The following EPHB1 variants were observed in gnomAD, a reference collection of about 807,000 sequenced individuals.
EPHB1 encodes ephrin type-B receptor 1.
Under a neutral mutation model 94.4 loss-of-function variants are expected in EPHB1, and 30 were observed. The ratio of observed to expected loss-of-function variants is 0.32; its 90% confidence interval spans 0.24 to 0.43. The LOEUF (loss-of-function observed/expected upper bound fraction) is 0.43. Ranked by LOEUF, EPHB1 falls within the 20% of genes least tolerant of loss-of-function variation. The pLI is 1.00. For synonymous variants in EPHB1, 522 were observed against 489.1 expected (o/e 1.07, Z -0.89); for missense variants, 1,055 against 1,308.3 (o/e 0.81, Z 2.99).
chr3:135,119,588 G>A (rs1939864664), intron 4 of EPHB1, among the ~76,000 whole-genome samples: 1 of 152,016 alleles, frequency 6.6e-6, no homozygotes, highest in Non-Finnish European at 1.5e-5. Flanking sequence ...GAGTAGCTGG[G>A]CTACAGGTAC....
chr3:134,958,925 T>G (rs1205039990), intron 3 of EPHB1, among the ~76,000 whole-genome samples: 2 of 152,182 alleles, frequency 1.3e-5, no homozygotes, highest in East Asian at 3.9e-4. Context: ...TTTCTGCCTT[T>G]GAGACACAGG....
intron 12 of EPHB1, among the ~76,000 whole-genome samples, chr3:135,233,942 G>A (rs977369574): frequency 6.6e-5 from 10 of 152,158 alleles, no homozygotes; most frequent in African/African-American, 2.4e-4. Flanking sequence ...GCTCCACACA[G>A]TAGGGGGAAC....
intron 3 of EPHB1, among the ~76,000 whole-genome samples, chr3:135,014,920 A>C (rs143218831): frequency 6.0e-4 from 91 of 152,170 alleles, no homozygotes; most frequent in Admixed American, 1.9e-3. Flanking sequence ...CTTTCTTCTT[A>C]TTTAATAGAC....
chr3:134,810,198 A>G (rs989670344), intron 1 of EPHB1, among the ~76,000 whole-genome samples: 13 of 152,126 alleles, frequency 8.5e-5, no homozygotes, highest in East Asian at 1.9e-4. Flanking sequence ...GCAAATATGT[A>G]TATCACCTGG....
At chr3:135,160,615 G>A (rs553893816) in intron 6 of EPHB1, among the ~76,000 whole-genome samples, 1 of 152,300 alleles carries the variant, frequency 6.6e-6, no homozygotes, top group East Asian at 1.9e-4. Flanking sequence ...GACAAAGACA[G>A]GCCCAGGCTT....
At chr3:134,988,358 T>C (rs1934674161) in intron 3 of EPHB1, among the ~76,000 whole-genome samples, 1 of 152,250 alleles carries the variant, frequency 6.6e-6, no homozygotes, top group Non-Finnish European at 1.5e-5. Context: ...AGTATTGTCA[T>C]TGGCATTCCT....
chr3:134,858,677 G>A (rs73229161), intron 1 of EPHB1, among the ~76,000 whole-genome samples: 13 of 152,300 alleles, frequency 8.5e-5, no homozygotes, highest in Non-Finnish European at 1.5e-4. Context: ...ATAACACTAC[G>A]GAATGATAGA....
At chr3:135,119,803 TC>T (rs1283375805) in intron 4 of EPHB1, among the ~76,000 whole-genome samples, 25 of 152,328 alleles carry the variant, frequency 1.6e-4, no homozygotes, top group African/African-American at 5.8e-4. Context: ...AGTTCCTTCT[TC>T]CATCTGGAAC....
At chr3:135,075,935 G>A (rs1937895529) in intron 3 of EPHB1, among the ~76,000 whole-genome samples, 1 of 152,172 alleles carries the variant, frequency 6.6e-6, no homozygotes, top group Non-Finnish European at 1.5e-5. Flanking sequence ...TAGATGGTCA[G>A]TCACATCAGT....
rs188968832 is a variant in EPHB1 at position 135,080,512 on chromosome 3, A to G, written c.806-25936A>G. Among the ~76,000 whole-genome samples the G allele has an allele frequency of 3.3e-5, 5 of 152,220 alleles. No individual in the cohort carries two copies. In the East Asian group the frequency reaches 9.7e-4, roughly 29 times the overall value. ...CTGGGGACACTTGGGGGTGGGGCAA[A>G]GGTAGCATCGTCAGAGGTCCAAGAT... is the stretch of plus-strand genomic sequence containing the variant. On this transcript the variant is annotated intron_variant, in intron 3 of 15. Coordinates refer to ENST00000398015, the MANE Select transcript of EPHB1 (RefSeq NM_004441.5).
rs774713350 is a variant in EPHB1 at position 135,179,860 on chromosome 3, G to A, written c.1760G>A (p.Gly587Asp). Residue 587 changes from glycine to aspartate, a missense_variant and splice_region_variant, in exon 10 of 16, where the codon GGC becomes GAC. Gly to Asp is a moderately conservative substitution (Grantham distance 94, BLOSUM62 -1). Coordinates refer to ENST00000398015, the MANE Select transcript of EPHB1 (RefSeq NM_004441.5). ...DKLQHYSTGRGSPGMKIYIDP... is the reference protein window; with the variant it reads ...DKLQHYSTGRDSPGMKIYIDP... ...AACCCTGCTTATCTCCTCCAACAAG[G>A]CTCCCCAGGGATGAAGATCTACATT... The A allele has an allele frequency of 1.2e-6, 2 of 1,613,634 alleles. No homozygotes were observed. The highest frequency in any genetic ancestry group is 4.5e-5 in the East Asian group (2 of 44,876).
At chr3:134,820,028 G>A (rs1456361806) in intron 1 of EPHB1, among the ~76,000 whole-genome samples, 2 of 152,136 alleles carry the variant, frequency 1.3e-5, no homozygotes, top group Non-Finnish European at 1.5e-5. Context: ...GGTGAGGCCC[G>A]TGGTGGGGTT....
At chr3:135,184,583 C>A (rs1029762895) in intron 10 of EPHB1, among the ~76,000 whole-genome samples, 1 of 152,014 alleles carries the variant, frequency 6.6e-6, no homozygotes, top group African/African-American at 2.4e-5. Flanking sequence ...TTGTATATGG[C>A]GAATGAAAGT....
intron 1 of EPHB1, among the ~76,000 whole-genome samples, chr3:134,869,743 GCA>G (rs1375209588): frequency 2.3e-4 from 17 of 75,034 alleles, no homozygotes; most frequent in African/African-American, 1.5e-3. Context: ...AAAAGTGATA[GCA>G]GTTTTTTTTT....
intron 12 of EPHB1, among the ~76,000 whole-genome samples, chr3:135,220,803 C>T (rs1014118969): frequency 1.3e-5 from 2 of 152,066 alleles, no homozygotes; most frequent in Non-Finnish European, 2.9e-5. Context: ...CCCACTTGTG[C>T]CTGAGGCTGA....
chr3:134,955,105 A>ATTTTTTTTTTTTTT lies in EPHB1; in HGVS notation c.805+3066_805+3067insTTTTTTTTTTTTTT, dbSNP rs1174011769. Among the ~76,000 whole-genome samples, 86 of 24,128 alleles carry ATTTTTTTTTTTTTT rather than the reference A, an allele frequency of 3.6e-3. 1 individual carries two copies. The highest frequency in any genetic ancestry group is 4.9e-3 in the East Asian group (6 of 1,224). The allele number at this position is 24,128 out of a possible 152,430, so 15.8% of individuals were successfully genotyped here. A position where few individuals can be genotyped will look rare whatever the true frequency, so the allele number is the denominator to read the frequency against. ...TTTTTTTTTTTTTTTTTTTTTTTTA[A>ATTTTTTTTTTTTTT]TTTTTTTTTTTTTAATTATACTCTA... On this transcript the variant is annotated intron_variant, in intron 3 of 15. Transcript: ENST00000398015.
chr3:134,943,701 C>T (rs1201233774), intron 2 of EPHB1, among the ~76,000 whole-genome samples: 1 of 152,172 alleles, frequency 6.6e-6, no homozygotes, highest in Non-Finnish European at 1.5e-5. Flanking sequence ...CTCCTAGCCC[C>T]TCTAGATGCC....
chr3:134,858,321 G>A (rs1240071858), intron 1 of EPHB1, among the ~76,000 whole-genome samples: 2 of 152,130 alleles, frequency 1.3e-5, no homozygotes, highest in Admixed American at 1.3e-4. Flanking sequence ...AAGACTTGAT[G>A]CCAGTGCTTT....
intron 9 of EPHB1, 61 bp downstream of exon 9, chr3:135,167,067 G>A: frequency 3.2e-6 from 5 of 1,573,774 alleles, no homozygotes; most frequent in Middle Eastern, 1.7e-4. Context: ...AAGTGGGCTA[G>A]TGCTCAGAGC....
Sources: allele counts gnomAD v4.1 joint callset (sites outside exome capture counted in the v4.1 genomes callset), GRCh38; gene constraint gnomAD v4.1.1; transcripts MANE v1.5; gene names NCBI Gene and HGNC (gene_info 2026-07-23, HGNC 2026-07-21).